Variants in GAD1 observed in about 807,000 individuals in gnomAD.
The protein encoded by GAD1 is glutamate decarboxylase 1.
A neutral mutation model predicts 75.2 loss-of-function variants in GAD1; 35 were observed. That is an observed-to-expected ratio of 0.47 (90% CI 0.36 to 0.62). GAD1 has a LOEUF of 0.62. Among genes scored for constraint, GAD1 ranks in the 20% least tolerant of loss-of-function variants. The pLI is 0.00. For missense variants in GAD1, 490 were observed against 758.5 expected, an observed-to-expected ratio of 0.65 and a Z score of 4.16; for synonymous variants, 257 against 271.9, an observed-to-expected ratio of 0.95 and a Z score of 0.54.
intron 10 of GAD1, among the ~76,000 whole-genome samples, chr2:170,846,301 T>C (rs1702632059): frequency 6.6e-6 from 1 of 152,388 alleles, no homozygotes; most frequent in South Asian, 2.1e-4. Flanking sequence ...ATCTTCATTG[T>C]GCCAAGTGAT....
chr2:170,813,896 T>C (rs1227430089), upstream of GAD1, among the ~76,000 whole-genome samples: 1 of 152,134 alleles, frequency 6.6e-6, no homozygotes, highest in African/African-American at 2.4e-5. Context: ...GGAGAGAGAC[T>C]GGAGGGGTCG....
chr2:170,851,107 G>A (rs1309754885), intron 12 of GAD1, among the ~76,000 whole-genome samples: 2 of 152,058 alleles, frequency 1.3e-5, no homozygotes, highest in South Asian at 2.1e-4. Flanking sequence ...TTTGAGTCTA[G>A]GAAAACTTAA....
chr2:170,852,544 A>G, intron 12 of GAD1, 170 bp from the exon 13 acceptor site: 3 of 671,648 alleles, frequency 4.5e-6, no homozygotes, highest in Non-Finnish European at 8.2e-6. Flanking sequence ...CCGTAATGTA[A>G]TACTCCGAGA....
intron 3 of GAD1, among the ~76,000 whole-genome samples, chr2:170,823,695 C>G (rs1158086901): frequency 6.6e-6 from 1 of 151,416 alleles, no homozygotes; most frequent in Admixed American, 6.6e-5. Flanking sequence ...GCTTAATGGC[C>G]CGTTTCGCGC....
intron 4 of GAD1, 107 bp downstream of exon 4, chr2:170,829,740 C>A: frequency 7.9e-7 from 1 of 1,261,678 alleles, no homozygotes; most frequent in Non-Finnish European, 1.1e-6. Context: ...TGTCATTATT[C>A]TCTCTGAACC....
At chr2:170,858,964 A>G (rs1241274069) in intron 16 of GAD1, 71 bp downstream of exon 16, 19 of 1,338,814 alleles carry the variant, frequency 1.4e-5, no homozygotes, top group South Asian at 1.1e-4. Context: ...CCTCATTCCA[A>G]TGTGCCTTTC....
At chr2:170,843,273 T>C (rs1702558489) in intron 6 of GAD1, among the ~76,000 whole-genome samples, 1 of 152,234 alleles carries the variant, frequency 6.6e-6, no homozygotes, top group Non-Finnish European at 1.5e-5. Context: ...TTGCTACTTT[T>C]AAATCAGTTT....
intron 5 of GAD1, among the ~76,000 whole-genome samples, chr2:170,833,971 C>T (rs2105783574): frequency 6.6e-6 from 1 of 151,772 alleles, no homozygotes; most frequent in Non-Finnish European, 1.5e-5. Context: ...CTGCACCACT[C>T]CAGCCTGGGT....
In GAD1 at chr2:170,853,223, T is replaced by C; in HGVS notation, c.1263+431T>C. The C allele has an allele frequency of 4.3e-6, 1 of 230,938 alleles. No homozygotes were observed. The highest frequency in any genetic ancestry group is 8.6e-6 in the Non-Finnish European group (1 of 115,810). The allele number at this position is 230,938 out of a possible 1,614,324, so 14.3% of individuals were successfully genotyped here. On this transcript the variant is annotated intron_variant, in intron 13 of 16. Coordinates refer to ENST00000358196, the MANE Select transcript of GAD1 (RefSeq NM_000817.3). The surrounding 1 kb of genome is among the most constrained non-coding windows in gnomAD (Gnocchi z 4.1). ...TGAGACAGAACAACAACTACAAATA[T>C]CAACTTAGGGCCACAAGGAATATTG... is the stretch of plus-strand genomic sequence containing the variant.
chr2:170,843,963 A>G, intron 6 of GAD1, 82 bp from the exon 7 acceptor site: 1 of 795,990 alleles, frequency 1.3e-6, no homozygotes, highest in Non-Finnish European at 2.2e-6. Context: ...AACTACAAAT[A>G]CTAAACCAAT....
chr2:170,815,639 A>C (rs933425041), upstream of GAD1, among the ~76,000 whole-genome samples: 8 of 152,140 alleles, frequency 5.3e-5, no homozygotes, highest in Admixed American at 3.9e-4. Context: ...GGAGAGGGGG[A>C]GGACCACGGT....
chr2:170,843,369 A>AT (rs563365160), intron 6 of GAD1, among the ~76,000 whole-genome samples: 40 of 152,320 alleles, frequency 2.6e-4, no homozygotes, highest in Non-Finnish European at 4.3e-4. Context: ...GTTATTTATA[A>AT]TTTGTAATTA....
chr2:170,851,000 C>A (rs1452478443), intron 12 of GAD1, among the ~76,000 whole-genome samples: 1 of 149,470 alleles, frequency 6.7e-6, no homozygotes, highest in Non-Finnish European at 1.5e-5. Flanking sequence ...AGTGACAGAG[C>A]AAGACTCTGT....
chr2:170,839,630 AT>A (rs1422351371), intron 6 of GAD1, among the ~76,000 whole-genome samples: 10 of 151,908 alleles, frequency 6.6e-5, no homozygotes, highest in Admixed American at 2.0e-4. Context: ...AAAAAAAAAA[AT>A]CTATGTCCAT....
intron 3 of GAD1, among the ~76,000 whole-genome samples, chr2:170,828,148 ACCCTCCTC>A (rs1702076303): frequency 1.3e-5 from 1 of 79,998 alleles, no homozygotes; most frequent in Admixed American, 1.2e-4. Context: ...TGCTGTCCTC[ACCCTCCTC>A]CCTCTGCTGT....
chr2:170,845,640 C>T lies in GAD1; in HGVS notation c.867+19C>T, dbSNP rs938708639. Reference sequence around the variant, plus strand: ...AGAACAGGTGAGTCGGGGATGCTTTCTCATGGATAGTGGTGTTTTTTAGGG... The same window carrying T: ...AGAACAGGTGAGTCGGGGATGCTTTTTCATGGATAGTGGTGTTTTTTAGGG... On this transcript the variant is annotated intron_variant, in intron 8 of 16. Transcript: ENST00000358196. 1 of 1,613,024 alleles carries T rather than the reference C, an allele frequency of 6.2e-7. No individual in the cohort carries two copies. Among genetic ancestry groups the T allele is most frequent in the Non-Finnish European group, 8.5e-7 (1 of 1,179,120 alleles).
chr2:170,815,059 T>C (rs1490970674), upstream of GAD1, among the ~76,000 whole-genome samples: 1 of 152,176 alleles, frequency 6.6e-6, no homozygotes, highest in Non-Finnish European at 1.5e-5. Flanking sequence ...TTGAATGATT[T>C]AGCACTGGCA....
At chr2:170,836,686 A>G (rs1702385248) in intron 5 of GAD1, 107 bp from the exon 6 acceptor site, 2 of 787,578 alleles carry the variant, frequency 2.5e-6, no homozygotes, top group African/African-American at 1.7e-5. Flanking sequence ...TCGACATATC[A>G]CTGGGATGGA....
In GAD1 at chr2:170,843,943, T is replaced by C; in HGVS notation, c.639-102T>C. On this transcript the variant is annotated intron_variant, in intron 6 of 16. Coordinates refer to ENST00000358196, the MANE Select transcript of GAD1 (RefSeq NM_000817.3). The stretch of plus-strand genomic sequence containing the variant: ...TGTTAGTGGTTTGGAACAGCTTTTT[T>C]TTAGAACCCAACTACAAATACTAAA... The C allele has an allele frequency of 8.2e-6, 6 of 728,168 alleles. No individual in the cohort carries two copies. The South Asian group carries it at 9.0e-5, about 11-fold the overall frequency. 45.1% of individuals were successfully genotyped at this position (728,168 alleles called of 1,614,324 possible). A position where few individuals can be genotyped will look rare whatever the true frequency, so the allele number is the denominator to read the frequency against.
Sources: gnomAD v4.1 joint callset for allele counts (sites outside exome capture counted in the v4.1 genomes callset) on GRCh38, gnomAD v4.1.1 for gene constraint, Gnocchi (gnomAD v3.1) non-coding constraint, MANE v1.5 for transcripts, NCBI Gene and HGNC (gene_info 2026-07-23, HGNC 2026-07-21) for gene names.